VWA8: variants seen among roughly 807,000 people sequenced by gnomAD.
The protein encoded by VWA8 is von Willebrand factor A domain containing 8.
In VWA8, 221 loss-of-function variants were observed where a neutral mutation model predicts 241.5. The observed-to-expected ratio is 0.91, with a 90% CI of 0.82 to 1.02. VWA8 has a LOEUF of 1.02. Ranked by LOEUF, VWA8 falls within the 50% of genes least tolerant of loss-of-function variation. VWA8 has a pLI of 0.00. For missense variants in VWA8, 2,322 were observed against 2,328.7 expected (o/e 1.00, Z 0.06); for synonymous variants, 852 against 827.1 (o/e 1.03, Z -0.52).
At chr13:41,888,845 T>C (rs1045538683) in intron 5 of VWA8, among the ~76,000 whole-genome samples, 1 of 152,218 alleles carries the variant, frequency 6.6e-6, no homozygotes, top group African/African-American at 2.4e-5. Context: ...AATCATATTT[T>C]GGTATGAATC....
intron 12 of VWA8, among the ~76,000 whole-genome samples, chr13:41,860,867 A>C (rs1337060441): frequency 6.6e-6 from 1 of 152,148 alleles, no homozygotes; most frequent in East Asian, 1.9e-4. Flanking sequence ...TATAAAACTA[A>C]CTATGAAAAC....
At position 41,830,473 on chromosome 13, in the gene VWA8, GTAT is replaced by G; in HGVS notation, c.1700+53_1700+55del. The G allele has an allele frequency of 2.9e-6, 4 of 1,383,536 alleles. No individual in the cohort carries two copies. The South Asian group carries it at 3.6e-5, about 12-fold the overall frequency. 85.7% of individuals were successfully genotyped at this position (1,383,536 alleles called of 1,614,324 possible). On this transcript the variant is annotated intron_variant, in intron 14 of 44. Coordinates refer to ENST00000379310, the MANE Select transcript of VWA8 (RefSeq NM_015058.2). ...TCTAGGTTTAGAAAAATCATAAAAA[GTAT>G]TATTTTTAACTTAACAATAAATTAG...
At chr13:41,655,090 ATTT>A (rs35973790) in intron 37 of VWA8, among the ~76,000 whole-genome samples, 5 of 138,196 alleles carry the variant, frequency 3.6e-5, no homozygotes, top group Admixed American at 7.3e-5. Flanking sequence ...AAAAACTGAA[ATTT>A]TTTTTTTTTT....
intron 21 of VWA8, among the ~76,000 whole-genome samples, chr13:41,742,154 T>C (rs946918574): frequency 1.3e-5 from 2 of 152,224 alleles, no homozygotes; most frequent in East Asian, 3.8e-4. Context: ...TTTTGGAGTC[T>C]GACTTTCATT....
At chr13:41,746,400 C>T (rs1047678792) in intron 21 of VWA8, among the ~76,000 whole-genome samples, 2 of 152,126 alleles carry the variant, frequency 1.3e-5, no homozygotes, top group African/African-American at 4.8e-5. Flanking sequence ...ACAGCCCTGA[C>T]CACACCACTT....
At chr13:41,667,923 A>C (rs183780487) in intron 37 of VWA8, among the ~76,000 whole-genome samples, 13 of 152,312 alleles carry the variant, frequency 8.5e-5, no homozygotes, top group Admixed American at 8.5e-4. Context: ...AAGCATGTAA[A>C]ATTAATGAAC....
rs200803682 is a variant in VWA8 at position 41,891,461 on chromosome 13, G to A, written c.610C>T (p.Arg204Cys). Reference protein sequence around the residue: ...ENREMQLEDGRFLMSAERYDK... With the variant: ...ENREMQLEDGCFLMSAERYDK... ...TAACGCTCAGCAGACATCAGGAAGC[G>A]TCCATCTTCAAGCTGCATCTCTCTG... The change falls in exon 5 of 45, where the codon CGC (arginine) becomes TGC (cysteine). Residue 204 changes from arginine (R) to cysteine (C), a missense_variant. Physicochemically the swap from Arg to Cys is radical, Grantham distance 180. Transcript: ENST00000379310. 91 of 1,614,048 alleles carry A rather than the reference G, an allele frequency of 5.6e-5. 1 individual carries two copies. The highest frequency in any genetic ancestry group is 1.3e-4 in the East Asian group (6 of 44,892).
intron 19 of VWA8, 51 bp downstream of exon 19, chr13:41,783,744 T>C (rs1167729973): frequency 1.4e-5 from 18 of 1,284,180 alleles, no homozygotes; most frequent in Non-Finnish European, 6.7e-6. Flanking sequence ...AATTGGAGTG[T>C]ACTACCACAA....
chr13:41,655,769 C>A (rs1181885787), intron 37 of VWA8, among the ~76,000 whole-genome samples: 1 of 152,080 alleles, frequency 6.6e-6, no homozygotes, highest in African/African-American at 2.4e-5. Context: ...AATGCTATTG[C>A]AATTTTAGAG....
chr13:41,828,056 C>G (rs1027182117), intron 14 of VWA8, among the ~76,000 whole-genome samples: 2 of 152,116 alleles, frequency 1.3e-5, no homozygotes, highest in East Asian at 3.8e-4. Flanking sequence ...TTATGATATG[C>G]GAAGGATCTC....
intron 37 of VWA8, among the ~76,000 whole-genome samples, chr13:41,664,616 T>C (rs1216765248): frequency 1.3e-5 from 2 of 152,100 alleles, no homozygotes; most frequent in Admixed American, 1.3e-4. Flanking sequence ...CCTAGAAGCA[T>C]AGGATAGAGG....
At chr13:41,596,115 T>C (rs754862032) in intron 40 of VWA8, among the ~76,000 whole-genome samples, 47 of 152,184 alleles carry the variant, frequency 3.1e-4, no homozygotes, top group Non-Finnish European at 6.2e-4. Flanking sequence ...TTTAGGAACA[T>C]GAACCAGTAG....
intron 37 of VWA8, among the ~76,000 whole-genome samples, chr13:41,642,611 A>G (rs1020932427): frequency 2.0e-5 from 3 of 151,828 alleles, no homozygotes; most frequent in African/African-American, 7.3e-5. Flanking sequence ...AAAATGCAGA[A>G]TCTTTTGAAT....
At chr13:41,770,901 C>CAA (rs71096541) in intron 20 of VWA8, among the ~76,000 whole-genome samples, 37 of 98,354 alleles carry the variant, frequency 3.8e-4, no homozygotes, top group African/African-American at 1.3e-3. Context: ...CTTAAAATGA[C>CAA]AAAAAAAAAA....
chr13:41,790,994 A>C (rs1023861488), intron 17 of VWA8, among the ~76,000 whole-genome samples: 2 of 151,980 alleles, frequency 1.3e-5, no homozygotes, highest in Non-Finnish European at 2.9e-5. Context: ...TTTAGGTTAG[A>C]TAATTTATCT....
In VWA8 at chr13:41,668,368, G is replaced by C. The variant is rs928873917; in HGVS notation, c.4611+2578C>G. ...CACTAGATGGAGATCAGGTTACTCT[G>C]TCAGTGATGGGGAAGCTGCTTGCAG... On this transcript the variant is annotated intron_variant, in intron 37 of 44. Transcript: ENST00000379310. 5.3e-5 allele frequency among the ~76,000 whole-genome samples: 8 copies of C among 152,148 alleles called. No individual in the cohort carries two copies. In the South Asian group the frequency reaches 6.2e-4, roughly 12 times the overall value.
intron 35 of VWA8, among the ~76,000 whole-genome samples, chr13:41,682,185 G>C (rs2045105308): frequency 6.6e-6 from 1 of 152,106 alleles, no homozygotes; most frequent in African/African-American, 2.4e-5. Flanking sequence ...TAGACCAATG[G>C]AACACAATAG....
At chr13:41,881,356 C>A (rs1167636006) in intron 9 of VWA8, among the ~76,000 whole-genome samples, 2 of 76,864 alleles carry the variant, frequency 2.6e-5, no homozygotes, top group Non-Finnish European at 4.8e-5. Context: ...ACTAGAACAT[C>A]ATAGTTTTTT....
intron 2 of VWA8, among the ~76,000 whole-genome samples, chr13:41,944,649 TG>T (rs1326543715): frequency 6.6e-6 from 1 of 152,124 alleles, no homozygotes; most frequent in Non-Finnish European, 1.5e-5. Flanking sequence ...ACCAGCAGCC[TG>T]GAAGTCACTG....
Sources: gnomAD v4.1 joint callset for allele counts (sites outside exome capture counted in the v4.1 genomes callset) on GRCh38, gnomAD v4.1.1 for gene constraint, MANE v1.5 for transcripts, NCBI Gene and HGNC (gene_info 2026-07-23, HGNC 2026-07-21) for gene names.